GPHN: variants seen among roughly 807,000 people sequenced by gnomAD.
GPHN encodes the protein gephyrin.
A neutral mutation model predicts 95.5 loss-of-function variants in GPHN; 17 were observed. The observed-to-expected ratio is 0.18, with a 90% CI of 0.12 to 0.27. The LOEUF (loss-of-function observed/expected upper bound fraction) is 0.27. GPHN is among the 10% of genes least tolerant of loss of function. The probability of loss-of-function intolerance (pLI) is 1.00; values close to 1 mark genes in which losing one functional copy is unlikely to be tolerated. For missense variants in GPHN, 660 were observed against 978.1 expected (o/e 0.67, Z 4.34); for synonymous variants, 320 against 322.5 (o/e 0.99, Z 0.08).
chr14:67,666,782 G>C, the GPHN span, among the ~76,000 whole-genome samples: 3 of 152,166 alleles, frequency 2.0e-5, no homozygotes, highest in African/African-American at 7.2e-5. Flanking sequence ...GGCAGCACTA[G>C]TTCTGGAATG....
chr14:67,205,029 C>T, the GPHN span: 1 of 1,552,816 alleles, frequency 6.4e-7, no homozygotes, highest in Non-Finnish European at 8.7e-7. Flanking sequence ...TTACAAACTG[C>T]TCGGGAGTCA....
chr14:67,163,935 A>G (rs1042457786), intron 19 of GPHN, among the ~76,000 whole-genome samples: 3 of 152,072 alleles, frequency 2.0e-5, no homozygotes, highest in African/African-American at 7.2e-5. Flanking sequence ...AGTTCATGTC[A>G]AAATCTTGAG....
chr14:67,439,151 A>G, the GPHN span, among the ~76,000 whole-genome samples: 1 of 152,142 alleles, frequency 6.6e-6, no homozygotes, highest in Non-Finnish European at 1.5e-5. Context: ...TGACTTCATT[A>G]TTTTGTCTCT....
intron 12 of GPHN, among the ~76,000 whole-genome samples, chr14:67,095,746 A>G (rs915051244): frequency 4.6e-5 from 7 of 151,922 alleles, no homozygotes; most frequent in Admixed American, 2.6e-4. Context: ...CCATGGACAC[A>G]GGAAGGGGAA....
intron 5 of GPHN, among the ~76,000 whole-genome samples, chr14:66,884,570 C>A (rs894804442): frequency 1.5e-5 from 2 of 130,738 alleles, no homozygotes; most frequent in African/African-American, 8.0e-5. Flanking sequence ...ATAATTTATT[C>A]CCTACTTGTT....
At chr14:67,347,362 C>T in the GPHN span, 1 of 1,472,510 alleles carries the variant, frequency 6.8e-7, no homozygotes, top group East Asian at 2.3e-5. Flanking sequence ...AAAGAGGAAA[C>T]AGGAAATCCC....
Position 66,922,820 on chromosome 14 carries a change from A to C in GPHN, c.611A>C (p.Gln204Pro), listed in dbSNP as rs772894778. The change falls in exon 7 of 23, where the codon CAG (glutamine) becomes CCG (proline). Residue 204 changes from glutamine (Q) to proline (P), a missense_variant. Physicochemically the swap from Gln to Pro is moderately conservative, Grantham distance 76 (BLOSUM62 -1). Coordinates refer to ENST00000478722, the MANE Select transcript of GPHN (RefSeq NM_020806.5). Reference protein sequence around the residue: ...SPPPTTSPHKQTEDKGVQCEE... With the variant: ...SPPPTTSPHKPTEDKGVQCEE... The stretch of plus-strand genomic sequence containing the variant: ...CCTCCTACTACCAGCCCCCATAAAC[A>C]GACAGAAGACAAAGGAGTTCAATGT... 1 of 1,613,310 alleles carries C rather than the reference A, an allele frequency of 6.2e-7. No individual in the cohort carries two copies. The highest frequency in any genetic ancestry group is 2.2e-5 in the East Asian group (1 of 44,854).
chr14:66,983,331 T>C (rs2070806077), intron 9 of GPHN, among the ~76,000 whole-genome samples: 1 of 152,226 alleles, frequency 6.6e-6, no homozygotes, highest in South Asian at 2.1e-4. Flanking sequence ...TAACTGATGA[T>C]TAATGGAGGA....
At chr14:67,701,274 A>C in the GPHN span, among the ~76,000 whole-genome samples, 1 of 151,884 alleles carries the variant, frequency 6.6e-6, no homozygotes, top group Non-Finnish European at 1.5e-5. Flanking sequence ...CTTGTAATTC[A>C]CTAAGAGCAA....
the GPHN span, chr14:67,575,491 A>G: frequency 2.4e-5 from 35 of 1,468,348 alleles, no homozygotes; most frequent in Non-Finnish European, 3.2e-5. Flanking sequence ...CAGCCTCCTC[A>G]CAATACCCAC....
At chr14:66,985,698 A>C in intron 9 of GPHN, 1 of 1,531,494 alleles carries the variant, frequency 6.5e-7, no homozygotes, top group Non-Finnish European at 8.7e-7. Flanking sequence ...AGACGGCCGG[A>C]TGAAAGCAAA....
the GPHN span, chr14:67,269,731 C>T: frequency 2.0e-5 from 3 of 152,424 alleles, no homozygotes; most frequent in Non-Finnish European, 4.4e-5. Context: ...TGTGAAAAAC[C>T]GGAGAAGAGA....
At chr14:67,367,100 C>G in the GPHN span, among the ~76,000 whole-genome samples, 1 of 152,170 alleles carries the variant, frequency 6.6e-6, no homozygotes, top group African/African-American at 2.4e-5. Flanking sequence ...CCCTGAACTA[C>G]TGAAACACAG....
the GPHN span, among the ~76,000 whole-genome samples, chr14:67,286,870 A>AG: frequency 4.6e-5 from 7 of 151,042 alleles, no homozygotes; most frequent in Middle Eastern, 3.4e-3. Context: ...AAAAAAAAAA[A>AG]AAAAGAAAAA....
the GPHN span, chr14:67,575,589 C>T: frequency 3.9e-6 from 3 of 778,126 alleles, no homozygotes; most frequent in South Asian, 4.5e-5. Context: ...AATACAAAAT[C>T]AGTTGGCTGG....
rs1322511492 is a variant in GPHN, at chr14:66,723,982, TACATACACACACAC to T, written c.143+42801_143+42814del. ...AAATATCACAAATCTATGTCATGCATACATACACACACACACACACACACACACACACACACACA... is the reference window on the plus strand; with the variant it reads ...AAATATCACAAATCTATGTCATGCATACACACACACACACACACACACACA... On this transcript the variant is annotated intron_variant, in intron 2 of 22. Coordinates refer to ENST00000478722, the MANE Select transcript of GPHN (RefSeq NM_020806.5). Among the ~76,000 whole-genome samples the T allele has an allele frequency of 1.2e-4, 17 of 143,242 alleles. No individual in the cohort carries two copies. The East Asian group carries it at 1.4e-3, about 12-fold the overall frequency. 94.0% of individuals were successfully genotyped at this position (143,242 alleles called of 152,430 possible).
chr14:66,959,898 A>G (rs2068783509), intron 8 of GPHN, among the ~76,000 whole-genome samples: 2 of 151,790 alleles, frequency 1.3e-5, no homozygotes, highest in East Asian at 1.9e-4. Context: ...AGGTTGCTTA[A>G]GCCATGTTGT....
the GPHN span, among the ~76,000 whole-genome samples, chr14:67,633,979 G>T: frequency 6.6e-6 from 1 of 152,128 alleles, no homozygotes; most frequent in Non-Finnish European, 1.5e-5. Flanking sequence ...CACTGGGCTG[G>T]GCTGCCACTT....
At chr14:66,707,215 G>A (rs1274741109) in intron 2 of GPHN, among the ~76,000 whole-genome samples, 1 of 152,110 alleles carries the variant, frequency 6.6e-6, no homozygotes, top group Admixed American at 6.6e-5. Flanking sequence ...ACTGTTGGTG[G>A]GAATGTTAAT....
Sources: allele counts gnomAD v4.1 joint callset (sites outside exome capture counted in the v4.1 genomes callset), GRCh38; gene constraint gnomAD v4.1.1; transcripts MANE v1.5; gene names NCBI Gene and HGNC (gene_info 2026-07-23, HGNC 2026-07-21).